The following FAM13A variants were observed in gnomAD, a reference collection of about 807,000 sequenced individuals.
FAM13A encodes protein FAM13A.
In FAM13A, 76 loss-of-function variants were observed where a neutral mutation model predicts 129.6. The ratio of observed to expected loss-of-function variants is 0.59; its 90% CI spans 0.49 to 0.71. The LOEUF is 0.71. FAM13A is among the 30% of genes least tolerant of loss of function. The pLI is 0.00. For synonymous variants in FAM13A, 443 were observed against 449.9 expected (o/e 0.98, Z 0.20); for missense variants, 1,108 against 1,249.3 (o/e 0.89, Z 1.70).
At chr4:88,985,348 G>C (rs1762106319) in intron 4 of FAM13A, among the ~76,000 whole-genome samples, 1 of 152,116 alleles carries the variant, frequency 6.6e-6, no homozygotes, top group Non-Finnish European at 1.5e-5. Context: ...ATTTCTTTTG[G>C]GGGTGATGAA....
chr4:88,913,198 AGAG>A (rs1749417565), intron 5 of FAM13A, among the ~76,000 whole-genome samples: 7 of 120,478 alleles, frequency 5.8e-5, no homozygotes, highest in Admixed American at 3.3e-4. Context: ...AGGAAGAGGA[AGAG>A]GAAGAAGAAC....
At chr4:88,910,047 A>T (rs1434211278) in intron 5 of FAM13A, among the ~76,000 whole-genome samples, 1 of 152,194 alleles carries the variant, frequency 6.6e-6, no homozygotes, top group Non-Finnish European at 1.5e-5. Flanking sequence ...TTGTGTTTCT[A>T]AGTGTTAAAT....
intron 7 of FAM13A, among the ~76,000 whole-genome samples, chr4:88,805,469 G>A (rs1034038137): frequency 6.6e-6 from 1 of 152,074 alleles, no homozygotes; most frequent in Non-Finnish European, 1.5e-5. Flanking sequence ...TGTTAAGAAC[G>A]AGCCACTTCA....
intron 1 of FAM13A, among the ~76,000 whole-genome samples, chr4:89,036,385 C>A (rs565628599): frequency 1.3e-5 from 2 of 152,230 alleles, no homozygotes; most frequent in Admixed American, 1.3e-4. Context: ...AGTTTCAAAG[C>A]AGCAAACCAC....
intron 14 of FAM13A, among the ~76,000 whole-genome samples, chr4:88,757,925 T>C (rs367787579): frequency 2.0e-5 from 3 of 152,190 alleles, no homozygotes; most frequent in Non-Finnish European, 4.4e-5. Flanking sequence ...TTGTGTTAAG[T>C]CATCCTGCTG....
At chr4:88,753,607 C>T (rs1454165546) in intron 14 of FAM13A, 12 of 908,306 alleles carry the variant, frequency 1.3e-5, no homozygotes, top group Non-Finnish European at 1.6e-5. Context: ...CTATGCAACA[C>T]AAAATGCTTA....
intron 4 of FAM13A, among the ~76,000 whole-genome samples, chr4:88,949,468 A>G (rs1756569736): frequency 6.6e-6 from 1 of 152,218 alleles, no homozygotes; most frequent in Non-Finnish European, 1.5e-5. Context: ...AAAATCTATT[A>G]TTGAAAGCAA....
rs1050510366 is a variant in FAM13A at position 88,726,994 on chromosome 4, C to T, written c.*1539G>A. On this transcript the variant is annotated 3_prime_UTR_variant, in exon 24 of 24. Coordinates refer to ENST00000264344, the MANE Select transcript of FAM13A (RefSeq NM_014883.4). Reference sequence around the variant, plus strand: ...CAATGGAAAATGTTGCTGTAAATCCCATTGGACCAGCCAGTTTCTCACGAC... The same window carrying T: ...CAATGGAAAATGTTGCTGTAAATCCTATTGGACCAGCCAGTTTCTCACGAC... 1.3e-5 allele frequency: 2 copies of T among 152,344 alleles called. No individual in the cohort carries two copies. The highest frequency in any genetic ancestry group is 1.5e-5 in the Non-Finnish European group (1 of 68,050). 9.4% of individuals were successfully genotyped at this position (152,344 alleles called of 1,614,324 possible). A position where few individuals can be genotyped will look rare whatever the true frequency, so the allele number is the denominator to read the frequency against.
intron 6 of FAM13A, among the ~76,000 whole-genome samples, chr4:88,885,617 G>C (rs1047030389): frequency 4.2e-4 from 64 of 152,062 alleles, no homozygotes; most frequent in African/African-American, 1.5e-3. Flanking sequence ...TCATGTCCAA[G>C]AACCCAAAAG....
rs140475002 is a variant in FAM13A at position 88,946,947 on chromosome 4, T to A, written c.606-8706A>T. Among the ~76,000 whole-genome samples, 801 of 152,188 alleles carry A rather than the reference T, an allele frequency of 5.3e-3. 7 individuals carry two copies. Among genetic ancestry groups the A allele is most frequent in the African/African-American group, 0.018 (758 of 41,514 alleles). On this transcript the variant is annotated intron_variant, in intron 4 of 23. Transcript: ENST00000264344. ...TATACACCATAACCTATGAAGGACA[T>A]GTTGAAACTGCAACCCAGCACAACT...
At chr4:88,813,772 C>G (rs1248438710) in intron 7 of FAM13A, among the ~76,000 whole-genome samples, 1 of 152,156 alleles carries the variant, frequency 6.6e-6, no homozygotes. Flanking sequence ...TTTCTGACAT[C>G]ATCTTGACTT....
chr4:88,897,258 C>T (rs1022735605), intron 6 of FAM13A, among the ~76,000 whole-genome samples: 4 of 152,182 alleles, frequency 2.6e-5, no homozygotes, highest in Non-Finnish European at 5.9e-5. Context: ...TATTTGTTGG[C>T]ATATACAGTC....
chr4:88,926,907 G>A (rs1253879917), intron 5 of FAM13A, among the ~76,000 whole-genome samples: 1 of 152,106 alleles, frequency 6.6e-6, no homozygotes, highest in East Asian at 1.9e-4. Flanking sequence ...GGGGACAGGT[G>A]CATATTTCTT....
At chr4:88,985,465 T>A (rs1434621752) in intron 4 of FAM13A, among the ~76,000 whole-genome samples, 1 of 152,170 alleles carries the variant, frequency 6.6e-6, no homozygotes, top group Non-Finnish European at 1.5e-5. Context: ...AAACGGTGTC[T>A]CAATAAAACT....
chr4:88,764,195 C>T (rs1235924986), intron 13 of FAM13A, among the ~76,000 whole-genome samples: 1 of 151,530 alleles, frequency 6.6e-6, no homozygotes, highest in Non-Finnish European at 1.5e-5. Flanking sequence ...TGGAACTAGT[C>T]TTTTTTTTTA....
chr4:88,838,454 T>G (rs1423277341), intron 7 of FAM13A, among the ~76,000 whole-genome samples: 4 of 152,168 alleles, frequency 2.6e-5, no homozygotes, highest in Non-Finnish European at 1.5e-5. Context: ...AATACACATT[T>G]TGGCCGGGCA....
intron 12 of FAM13A, 117 bp downstream of exon 12, chr4:88,767,866 G>A (rs1745999039): frequency 5.8e-6 from 4 of 683,966 alleles, no homozygotes; most frequent in Admixed American, 2.7e-5. Flanking sequence ...AATATTGCTG[G>A]TAAATATATA....
At chr4:88,941,480 AT>A (rs1754753782) in intron 4 of FAM13A, among the ~76,000 whole-genome samples, 2 of 152,218 alleles carry the variant, frequency 1.3e-5, no homozygotes, top group South Asian at 4.1e-4. Flanking sequence ...TGGGACACTT[AT>A]TCTACTTAAT....
chr4:88,991,009 T>C lies in FAM13A; in HGVS notation c.569A>G (p.His190Arg). 4 of 1,614,162 alleles carry C rather than the reference T, an allele frequency of 2.5e-6. No homozygotes were observed. The highest frequency in any genetic ancestry group is 3.4e-6 in the Non-Finnish European group (4 of 1,180,014). ...KHHVQNRMNVHNLATVFGPNC... is the reference protein window; with the variant it reads ...KHHVQNRMNVRNLATVFGPNC... The stretch of plus-strand genomic sequence containing the variant: ...TGGCCCAAATACAGTGGCGAGATTG[T>C]GAACATTCATGCGATTCTGCACATG... The change falls in exon 4 of 24, where the codon CAC (histidine) becomes CGC (arginine). Residue 190 changes from histidine to arginine, a missense_variant. Physicochemically the swap from His to Arg is conservative, Grantham distance 29. Coordinates refer to ENST00000264344, the MANE Select transcript of FAM13A (RefSeq NM_014883.4).
Sources: gnomAD v4.1 joint callset for allele counts (sites outside exome capture counted in the v4.1 genomes callset) on GRCh38, gnomAD v4.1.1 for gene constraint, MANE v1.5 for transcripts, NCBI Gene and HGNC (gene_info 2026-07-23, HGNC 2026-07-21) for gene names.